The following TP63 variants were observed in gnomAD, a reference collection of about 807,000 sequenced individuals.
The protein encoded by TP63 is tumor protein 63.
A neutral mutation model predicts 82.8 loss-of-function variants in TP63; 17 were observed. The observed-to-expected ratio is 0.21, with a 90% CI of 0.14 to 0.31. TP63 has a LOEUF of 0.31. TP63 is among the 10% of genes least tolerant of loss of function. TP63 has a pLI of 1.00. For synonymous variants in TP63, 330 were observed against 321.7 expected (o/e 1.03, Z -0.28); for missense variants, 648 against 895.3 (o/e 0.72, Z 3.52).
intron 1 of TP63, among the ~76,000 whole-genome samples, chr3:189,651,362 A>G (rs1712871177): frequency 6.8e-6 from 1 of 146,306 alleles, no homozygotes; most frequent in Non-Finnish European, 1.5e-5. Flanking sequence ...CCTGGCCAAC[A>G]TGGTGAAATC....
chr3:189,794,250 G>A (rs974840975), intron 3 of TP63, among the ~76,000 whole-genome samples: 1 of 151,986 alleles, frequency 6.6e-6, no homozygotes, highest in Non-Finnish European at 1.5e-5. Flanking sequence ...TGGTATATAG[G>A]ATCTAAAAAT....
upstream of TP63, among the ~76,000 whole-genome samples, chr3:189,626,564 T>G (rs1201125761): frequency 6.6e-6 from 1 of 152,198 alleles, no homozygotes; most frequent in Admixed American, 6.5e-5. Flanking sequence ...TCTGTTGTTT[T>G]CCACTGCCCT....
intron 1 of TP63, among the ~76,000 whole-genome samples, chr3:189,716,002 A>C (rs769933136): frequency 1.3e-5 from 2 of 152,220 alleles, no homozygotes; most frequent in Admixed American, 6.5e-5. Flanking sequence ...ACTACGTACT[A>C]TACTAAAAAC....
intron 1 of TP63, among the ~76,000 whole-genome samples, chr3:189,664,755 A>G (rs1451984918): frequency 6.6e-6 from 1 of 152,166 alleles, no homozygotes; most frequent in Non-Finnish European, 1.5e-5. Context: ...ATAAAGTTCC[A>G]TCTACTTTCA....
chr3:189,756,723 C>G (rs1722218042), intron 3 of TP63, among the ~76,000 whole-genome samples: 1 of 152,124 alleles, frequency 6.6e-6, no homozygotes, highest in Admixed American at 6.6e-5. Context: ...AACCCTTTTC[C>G]TTCTGTCTCC....
chr3:189,621,581 A>G, the TP63 span, among the ~76,000 whole-genome samples: 3 of 48,254 alleles, frequency 6.2e-5, no homozygotes, highest in South Asian at 7.4e-4. Flanking sequence ...CAATATATAC[A>G]TATACACATA....
chr3:189,750,410 A>C (rs1721719353), intron 3 of TP63, among the ~76,000 whole-genome samples: 1 of 152,176 alleles, frequency 6.6e-6, no homozygotes, highest in South Asian at 2.1e-4. Context: ...TGAATAGCAG[A>C]ATAGGGTGGC....
intron 1 of TP63, among the ~76,000 whole-genome samples, chr3:189,717,253 G>A (rs1003693310): frequency 6.6e-6 from 1 of 152,148 alleles, no homozygotes; most frequent in African/African-American, 2.4e-5. Flanking sequence ...AAATTAAAGA[G>A]TTATTATCAC....
intron 1 of TP63, among the ~76,000 whole-genome samples, chr3:189,731,189 C>T (rs1478795031): frequency 6.6e-6 from 1 of 151,990 alleles, no homozygotes; most frequent in East Asian, 1.9e-4. Context: ...ACGAAAAATA[C>T]AAAAATTAGC....
At chr3:189,597,465 T>A in the TP63 span, among the ~76,000 whole-genome samples, 1 of 152,204 alleles carries the variant, frequency 6.6e-6, no homozygotes, top group Non-Finnish European at 1.5e-5. Flanking sequence ...GAAGATAATA[T>A]TATGTAGAAT....
chr3:189,791,597 G>T (rs1456853856), intron 3 of TP63, among the ~76,000 whole-genome samples: 5 of 152,042 alleles, frequency 3.3e-5, no homozygotes, highest in Non-Finnish European at 4.4e-5. Context: ...ATGCTGCTAA[G>T]GTCGACAAAA....
chr3:189,879,578 A>T (rs539173410), intron 10 of TP63, among the ~76,000 whole-genome samples: 2 of 152,324 alleles, frequency 1.3e-5, no homozygotes, highest in South Asian at 4.1e-4. Context: ...AACTGTAATG[A>T]GGGATAATAA....
chr3:189,769,920 A>G (rs929070099), intron 3 of TP63, among the ~76,000 whole-genome samples: 2 of 152,254 alleles, frequency 1.3e-5, no homozygotes, highest in Admixed American at 1.3e-4. Flanking sequence ...ATTTGTTACC[A>G]TTGATTATAT....
intron 1 of TP63, among the ~76,000 whole-genome samples, chr3:189,719,183 A>G (rs1015523073): frequency 4.6e-5 from 7 of 152,242 alleles, no homozygotes; most frequent in Non-Finnish European, 8.8e-5. Flanking sequence ...TCGGTTTGGT[A>G]AAAGTGAGAG....
At chr3:189,603,797 C>T in the TP63 span, among the ~76,000 whole-genome samples, 1 of 151,710 alleles carries the variant, frequency 6.6e-6, no homozygotes, top group Admixed American at 6.6e-5. Flanking sequence ...TATATACATC[C>T]CTCAAGTCCC....
rs1205785776 is a variant in TP63, at chr3:189,731,168, A to G, written c.63-6572A>G. 2.6e-5 allele frequency among the ~76,000 whole-genome samples: 4 copies of G among 152,038 alleles called. 1 individual carries two copies. The South Asian group carries it at 6.2e-4, about 24-fold the overall frequency. ...AGACCAGCCTGGCCAACATGGTGAA[A>G]CCCCATCTCTACGAAAAATACAAAA... is the stretch of plus-strand genomic sequence containing the variant. On this transcript the variant is annotated intron_variant, in intron 1 of 13. Coordinates refer to ENST00000264731, the MANE Select transcript of TP63 (RefSeq NM_003722.5).
intron 4 of TP63, among the ~76,000 whole-genome samples, chr3:189,830,679 C>T (rs1459727879): frequency 6.6e-6 from 1 of 152,038 alleles, no homozygotes; most frequent in East Asian, 1.9e-4. Context: ...GGTAAGGTCT[C>T]CATTTAGAAA....
intron 10 of TP63, among the ~76,000 whole-genome samples, chr3:189,876,389 T>G (rs908595477): frequency 1.3e-5 from 2 of 152,232 alleles, no homozygotes; most frequent in Non-Finnish European, 2.9e-5. Flanking sequence ...TAAAATAATC[T>G]GTGTCCCCAG....
intron 4 of TP63, among the ~76,000 whole-genome samples, chr3:189,820,147 G>C (rs1049575734): frequency 2.6e-5 from 4 of 152,168 alleles, no homozygotes; most frequent in African/African-American, 9.7e-5. Context: ...TTATGTCTGA[G>C]AATTATCACA....
Sources: gnomAD v4.1 joint callset for allele counts (sites outside exome capture counted in the v4.1 genomes callset) on GRCh38, gnomAD v4.1.1 for gene constraint, MANE v1.5 for transcripts, NCBI Gene and HGNC (gene_info 2026-07-23, HGNC 2026-07-21) for gene names.